Variants in PTPRG observed in about 807,000 individuals in gnomAD.
PTPRG encodes protein tyrosine phosphatase receptor type G, also known as receptor-type tyrosine-protein phosphatase gamma.
PTPRG carries 102 observed loss-of-function variants against 165.3 expected under a neutral mutation model. The ratio of observed to expected loss-of-function variants is 0.62; its 90% CI spans 0.53 to 0.73. The LOEUF is 0.73. Among genes scored for constraint, PTPRG ranks in the 30% least tolerant of loss-of-function variants. PTPRG has a pLI of 0.00. For missense variants in PTPRG, 1,866 were observed against 1,861.4 expected, an observed-to-expected ratio of 1.00 and a Z score of -0.05; for synonymous variants, 675 against 669.5, an observed-to-expected ratio of 1.01 and a Z score of -0.13.
At chr3:62,127,614 G>A (rs543142859) in intron 5 of PTPRG, among the ~76,000 whole-genome samples, 1 of 152,302 alleles carries the variant, frequency 6.6e-6, no homozygotes, top group East Asian at 1.9e-4. Flanking sequence ...GGCTGGATGT[G>A]ATGTTTATGG....
At chr3:61,665,469 TACACAC>T (rs10662394) in intron 1 of PTPRG, among the ~76,000 whole-genome samples, 32 of 144,026 alleles carry the variant, frequency 2.2e-4, no homozygotes, top group East Asian at 8.3e-4. Flanking sequence ...TGTAAATAAA[TACACAC>T]ACACACACAC....
At chr3:61,729,168 G>T (rs1170992829) in intron 1 of PTPRG, among the ~76,000 whole-genome samples, 1 of 152,132 alleles carries the variant, frequency 6.6e-6, no homozygotes, top group Non-Finnish European at 1.5e-5. Flanking sequence ...CTGATATCTG[G>T]CATCCCAGCT....
chr3:62,085,362 C>T (rs1228571893), intron 5 of PTPRG, among the ~76,000 whole-genome samples: 1 of 152,168 alleles, frequency 6.6e-6, no homozygotes, highest in African/African-American at 2.4e-5. Flanking sequence ...GTTGGTACCT[C>T]TCTTTCCTGG....
chr3:61,641,822 G>A (rs1181461203), intron 1 of PTPRG, among the ~76,000 whole-genome samples: 6 of 152,212 alleles, frequency 3.9e-5, no homozygotes, highest in Non-Finnish European at 7.3e-5. Context: ...TTGCAAAGCA[G>A]GAAGTAAACC....
At chr3:61,995,579 GA>G (rs1398277136) in intron 3 of PTPRG, among the ~76,000 whole-genome samples, 2 of 151,970 alleles carry the variant, frequency 1.3e-5, no homozygotes, top group Non-Finnish European at 2.9e-5. Flanking sequence ...GTGTGTGTGT[GA>G]GGGGGGTGTG....
chr3:61,987,894 T>A (rs2040799409), intron 2 of PTPRG, among the ~76,000 whole-genome samples: 1 of 152,010 alleles, frequency 6.6e-6, no homozygotes, highest in Non-Finnish European at 1.5e-5. Flanking sequence ...GAAAATAAAG[T>A]TTGGCCAAAA....
At chr3:61,975,226 C>A (rs1161072425) in intron 2 of PTPRG, among the ~76,000 whole-genome samples, 1 of 152,250 alleles carries the variant, frequency 6.6e-6, no homozygotes, top group African/African-American at 2.4e-5. Context: ...GGGGAATGAT[C>A]TTGGACAGGT....
intron 2 of PTPRG, among the ~76,000 whole-genome samples, chr3:61,897,358 TC>T (rs1226276317): frequency 6.6e-6 from 1 of 152,146 alleles, no homozygotes; most frequent in Non-Finnish European, 1.5e-5. Flanking sequence ...AGGGTATTCT[TC>T]CATTAATTTT....
chr3:61,832,528 C>T (rs1344340092), intron 2 of PTPRG, among the ~76,000 whole-genome samples: 1 of 152,122 alleles, frequency 6.6e-6, no homozygotes, highest in African/African-American at 2.4e-5. Flanking sequence ...CTGTTAAGTG[C>T]TGTGTGTACA....
At chr3:61,957,864 C>CACTT (rs1559713095) in intron 2 of PTPRG, among the ~76,000 whole-genome samples, 1 of 152,184 alleles carries the variant, frequency 6.6e-6, no homozygotes, top group East Asian at 1.9e-4. Context: ...GAAACAATGA[C>CACTT]ACTTAGGTGG....
At chr3:62,048,346 A>G (rs191362665) in intron 4 of PTPRG, among the ~76,000 whole-genome samples, 1 of 152,248 alleles carries the variant, frequency 6.6e-6, no homozygotes, top group East Asian at 1.9e-4. Context: ...CTTTCCTCCT[A>G]CTTGCTGTTG....
chr3:61,730,949 A>G (rs1253097173), intron 1 of PTPRG, among the ~76,000 whole-genome samples: 2 of 152,230 alleles, frequency 1.3e-5, no homozygotes, highest in Non-Finnish European at 2.9e-5. Flanking sequence ...AGTAATGACT[A>G]TAATGAAATT....
intron 8 of PTPRG, among the ~76,000 whole-genome samples, chr3:62,173,330 T>C (rs1705291246): frequency 6.6e-6 from 1 of 152,172 alleles, no homozygotes; most frequent in Non-Finnish European, 1.5e-5. Flanking sequence ...AAGTGCCGAC[T>C]GTACTCAATT....
intron 17 of PTPRG, among the ~76,000 whole-genome samples, chr3:62,266,043 G>A (rs551969338): frequency 2.0e-3 from 302 of 152,244 alleles, no homozygotes; most frequent in Middle Eastern, 3.4e-3. Context: ...TGTGTGATGT[G>A]CCCAAAGGTC....
At chr3:62,145,019 TA>T (rs928672888) in intron 6 of PTPRG, among the ~76,000 whole-genome samples, 13 of 151,950 alleles carry the variant, frequency 8.6e-5, no homozygotes, top group Non-Finnish European at 1.8e-4. Flanking sequence ...AGAGAGCTCT[TA>T]AAAAAATACC....
In PTPRG at chr3:62,289,709, C is replaced by A. The variant is rs1422053820; in HGVS notation, c.4056-2712C>A. 3.8e-3 allele frequency among the ~76,000 whole-genome samples: 462 copies of A among 122,694 alleles called. 7 individuals are homozygous for A. Among genetic ancestry groups the A allele is most frequent in the African/African-American group, 0.011 (361 of 34,034 alleles). 80.5% of individuals were successfully genotyped at this position (122,694 alleles called of 152,430 possible). ...ACACCCATTCATGATCCCCCCCCCC[C>A]AAAAAAAACACTTAGAGTAAAAATA... On this transcript the variant is annotated intron_variant, in intron 28 of 29. Coordinates refer to ENST00000474889, the MANE Select transcript of PTPRG (RefSeq NM_002841.4).
In PTPRG at chr3:62,111,868, T is replaced by C. The variant is rs181546256; in HGVS notation, c.616-20734T>C. Among the ~76,000 whole-genome samples the C allele has an allele frequency of 8.5e-5, 13 of 152,348 alleles. No individual in the cohort carries two copies. The East Asian group carries it at 2.5e-3, about 29-fold the overall frequency. On this transcript the variant is annotated intron_variant, in intron 5 of 29. Transcript: ENST00000474889. ...GCAAATTGAGGATGTTGATTTTGCA[T>C]ATCTGTCCTCAAAGCCCTCATCTAC...
At chr3:62,078,893 G>A (rs1472668908) in intron 5 of PTPRG, among the ~76,000 whole-genome samples, 2 of 152,174 alleles carry the variant, frequency 1.3e-5, no homozygotes, top group Non-Finnish European at 2.9e-5. Context: ...TCAAAGTAGT[G>A]TTGATCAGTG....
intron 2 of PTPRG, among the ~76,000 whole-genome samples, chr3:61,955,746 C>T (rs560160952): frequency 6.6e-6 from 1 of 152,242 alleles, no homozygotes; most frequent in Non-Finnish European, 1.5e-5. Context: ...TATTATGTTT[C>T]AGTTCTACTG....
Sources: gnomAD v4.1 joint callset for allele counts (sites outside exome capture counted in the v4.1 genomes callset) on GRCh38, gnomAD v4.1.1 for gene constraint, MANE v1.5 for transcripts, NCBI Gene and HGNC (gene_info 2026-07-23, HGNC 2026-07-21) for gene names.